Variants in SERINC5 observed in about 807,000 individuals in gnomAD.
The protein encoded by SERINC5 is chromosome 5 open reading frame 12.
In SERINC5, 41 loss-of-function variants were observed where a neutral mutation model predicts 63.1. That is an observed-to-expected ratio of 0.65 (90% CI 0.51 to 0.84). SERINC5 has a LOEUF of 0.84. SERINC5 is among the 40% of genes least tolerant of loss of function. SERINC5 has a pLI of 0.00. For synonymous variants in SERINC5, 222 were observed against 215.2 expected (o/e 1.03, Z -0.28); for missense variants, 523 against 573.0 (o/e 0.91, Z 0.89).
rs6862364 is a variant in SERINC5 at position 80,172,798 on chromosome 5, G to A, written c.551+2156C>T. ...GTAAACACTGCTGACTGGTTTGTGC[G>A]TGGGAGACGACCAACGCTTCTATTC... On this transcript the variant is annotated intron_variant, in intron 5 of 11. Transcript: ENST00000507668. Among the ~76,000 whole-genome samples the A allele has an allele frequency of 3.2e-3, 492 of 152,328 alleles. 1 individual carries two copies. The highest frequency in any genetic ancestry group is 0.014 in the Middle Eastern group (4 of 294).
rs70982042 is a variant in SERINC5 at position 80,230,459 on chromosome 5, A to AAAAAAAAAAAAAAAAAAG, written c.27+25436_27+25437insCTTTTTTTTTTTTTTTTT. On this transcript the variant is annotated intron_variant, in intron 1 of 11. Transcript: ENST00000507668. ...CAAGACTGTCACAAAAAAAAAAAAA[A>AAAAAAAAAAAAAAAAAAG]AAAGAAACCATTGCTCTTCAAATTT... Among the ~76,000 whole-genome samples, 29 of 128,612 alleles carry AAAAAAAAAAAAAAAAAAG rather than the reference A, an allele frequency of 2.3e-4. 2 individuals are homozygous for AAAAAAAAAAAAAAAAAAG. Among genetic ancestry groups the AAAAAAAAAAAAAAAAAAG allele is most frequent in the African/African-American group, 8.4e-4 (27 of 32,004 alleles). 84.4% of individuals were successfully genotyped at this position (128,612 alleles called of 152,430 possible). A position where few individuals can be genotyped will look rare whatever the true frequency, so the allele number is the denominator to read the frequency against.
intron 1 of SERINC5, among the ~76,000 whole-genome samples, chr5:80,232,214 C>T (rs1474401237): frequency 1.3e-5 from 2 of 149,528 alleles, no homozygotes; most frequent in Admixed American, 6.7e-5. Flanking sequence ...ACCATCCTGG[C>T]TAACACCGTA....
chr5:80,113,058 A>C (rs1190750043), intron 12 of SERINC5, among the ~76,000 whole-genome samples: 1 of 152,188 alleles, frequency 6.6e-6, no homozygotes. Flanking sequence ...GGGCCATTGA[A>C]GTTGTTTAAT....
At chr5:80,193,604 A>G (rs1400158463) in intron 2 of SERINC5, among the ~76,000 whole-genome samples, 4 of 152,160 alleles carry the variant, frequency 2.6e-5, no homozygotes, top group Non-Finnish European at 1.5e-5. Flanking sequence ...ATTGTTTCCA[A>G]TTTCCTGCCT....
At chr5:80,173,223 AAAGAAGGAAGGAAGG>A (rs1328423753) in intron 5 of SERINC5, among the ~76,000 whole-genome samples, 59 of 132,010 alleles carry the variant, frequency 4.5e-4, no homozygotes, top group African/African-American at 1.5e-3. Context: ...GGCAGGAAGG[AAAGAAGGAAGGAAGG>A]AAGGAAGGAA....
intron 11 of SERINC5, among the ~76,000 whole-genome samples, chr5:80,127,439 C>G (rs1487303882): frequency 1.3e-5 from 2 of 152,172 alleles, no homozygotes; most frequent in Non-Finnish European, 2.9e-5. Context: ...CTACCGGTAG[C>G]CCACAATGTG....
intron 10 of SERINC5, among the ~76,000 whole-genome samples, chr5:80,146,451 T>G (rs1279797963): frequency 6.6e-6 from 1 of 152,220 alleles, no homozygotes; most frequent in African/African-American, 2.4e-5. Flanking sequence ...CCACATTTAT[T>G]TTTATTTATT....
chr5:80,147,373 T>C (rs1417736717), intron 9 of SERINC5, 89 bp from the exon 10 acceptor site: 1 of 1,329,872 alleles, frequency 7.5e-7, no homozygotes, highest in Admixed American at 2.0e-5. Flanking sequence ...TTGAACCACC[T>C]CCCAGGCCCT....
intron 8 of SERINC5, among the ~76,000 whole-genome samples, chr5:80,156,536 G>A (rs73125981): frequency 3.9e-5 from 6 of 152,078 alleles, no homozygotes; most frequent in South Asian, 2.1e-4. Context: ...ACAGAAGTAC[G>A]CTACAGAGCA....
intron 2 of SERINC5, among the ~76,000 whole-genome samples, chr5:80,194,703 A>G (rs1187099974): frequency 6.6e-6 from 1 of 152,176 alleles, no homozygotes; most frequent in Non-Finnish European, 1.5e-5. Flanking sequence ...TATTTCCAAA[A>G]GTAATACTTC....
At chr5:80,177,798 C>T in intron 3 of SERINC5, 88 bp downstream of exon 3, 1 of 1,000,242 alleles carries the variant, frequency 1.0e-6, no homozygotes, top group Non-Finnish European at 1.5e-6. Flanking sequence ...AGGGCAGTCA[C>T]AGTGTCTGGT....
chr5:80,242,854 CAG>C (rs2112594988), intron 1 of SERINC5, among the ~76,000 whole-genome samples: 1 of 152,286 alleles, frequency 6.6e-6, no homozygotes, highest in South Asian at 2.1e-4. Flanking sequence ...ACTTGGGAGA[CAG>C]TGGTTGCAGT....
intron 1 of SERINC5, among the ~76,000 whole-genome samples, chr5:80,255,551 C>T (rs941931274): frequency 2.0e-5 from 3 of 152,184 alleles, no homozygotes; most frequent in African/African-American, 7.2e-5. Context: ...GAGAGGGCTA[C>T]GGAGCTCAGC....
intron 11 of SERINC5, among the ~76,000 whole-genome samples, chr5:80,124,252 T>G (rs1365767077): frequency 2.6e-5 from 4 of 152,172 alleles, no homozygotes; most frequent in Non-Finnish European, 5.9e-5. Flanking sequence ...GAAAGCCAAA[T>G]GGGCACCCCC....
intron 1 of SERINC5, among the ~76,000 whole-genome samples, chr5:80,210,142 C>G (rs1169268006): frequency 6.6e-6 from 1 of 152,174 alleles, no homozygotes; most frequent in Non-Finnish European, 1.5e-5. Context: ...TTGGGCTTTT[C>G]CCTTCTGAAG....
At chr5:80,158,166 T>A (rs556581128) in intron 8 of SERINC5, 1 of 152,214 alleles carries the variant, frequency 6.6e-6, no homozygotes, top group Non-Finnish European at 1.5e-5. Flanking sequence ...CCAGATTAAC[T>A]AGCCATTTCT....
At chr5:80,172,199 G>A (rs1177235002) in intron 5 of SERINC5, among the ~76,000 whole-genome samples, 2 of 151,972 alleles carry the variant, frequency 1.3e-5, no homozygotes, top group African/African-American at 2.4e-5. Context: ...GCGTGGTGGT[G>A]CATGCCTGTA....
intron 8 of SERINC5, among the ~76,000 whole-genome samples, chr5:80,154,637 T>C (rs1260913103): frequency 2.0e-5 from 3 of 151,588 alleles, no homozygotes; most frequent in Admixed American, 2.0e-4. Flanking sequence ...AAAATAAATA[T>C]TCTTCCTTGA....
chr5:80,155,267 T>C (rs1017393304), intron 8 of SERINC5, among the ~76,000 whole-genome samples: 4 of 152,298 alleles, frequency 2.6e-5, no homozygotes, highest in East Asian at 1.9e-4. Context: ...GATGCGCCTA[T>C]AGAAAGAGCC....
Sources: allele counts gnomAD v4.1 joint callset (sites outside exome capture counted in the v4.1 genomes callset), GRCh38; gene constraint gnomAD v4.1.1; transcripts MANE v1.5; gene names NCBI Gene and HGNC (gene_info 2026-07-23, HGNC 2026-07-21).